PHACTR3: variants seen among roughly 807,000 people sequenced by gnomAD.
The protein encoded by PHACTR3 is protein phosphatase 1, regulatory subunit 123.
PHACTR3 carries 16 observed loss-of-function variants against 66.8 expected under a neutral mutation model. The observed-to-expected ratio is 0.24, with a 90% CI of 0.16 to 0.36. The LOEUF (loss-of-function observed/expected upper bound fraction) is 0.36. PHACTR3 is among the 10% of genes least tolerant of loss of function. The pLI, the probability that PHACTR3 is intolerant of heterozygous loss-of-function variation, is 1.00. For synonymous variants in PHACTR3, 323 were observed against 292.1 expected (o/e 1.11, Z -1.08); for missense variants, 647 against 719.9 (o/e 0.90, Z 1.16).
At chr20:59,731,333 T>C (rs1462048700) in intron 1 of PHACTR3, among the ~76,000 whole-genome samples, 1 of 152,236 alleles carries the variant, frequency 6.6e-6, no homozygotes, top group Non-Finnish European at 1.5e-5. Context: ...GGTGGGCCTC[T>C]TGTACAATAA....
chr20:59,732,418 G>A (rs894587576), intron 1 of PHACTR3, among the ~76,000 whole-genome samples: 2 of 152,314 alleles, frequency 1.3e-5, no homozygotes, highest in African/African-American at 4.8e-5. Context: ...GAAGGTTTTG[G>A]TGGCCTCCCT....
intron 7 of PHACTR3, among the ~76,000 whole-genome samples, chr20:59,783,471 C>G (rs762154158): frequency 8.2e-6 from 1 of 122,686 alleles, no homozygotes; most frequent in Non-Finnish European, 1.6e-5. Flanking sequence ...GCTATTATTT[C>G]CCATCAAGTA....
rs554018513 is a variant in PHACTR3, at chr20:59,609,171, T to A, written c.118+4039T>A. On this transcript the variant is annotated intron_variant, in intron 1 of 12. Transcript: ENST00000371015. ...AGGGCCGGGTCCAGGTCTGCTTTAC[T>A]GCCTGGAGAGGGAGACCCTCTCAGA... is the stretch of plus-strand genomic sequence containing the variant. Among the ~76,000 whole-genome samples, 14 of 152,338 alleles carry A rather than the reference T, an allele frequency of 9.2e-5. No individual in the cohort carries two copies. In the South Asian group the frequency reaches 2.7e-3, roughly 29 times the overall value.
chr20:59,845,057 A>C (rs8114638), intron 11 of PHACTR3, 132 bp from the exon 12 acceptor site: 141 of 570,808 alleles, frequency 2.5e-4, no homozygotes, highest in African/African-American at 2.4e-3. Flanking sequence ...TGAACCAAAA[A>C]ATTGTTTGTT....
chr20:59,798,213 G>T (rs1010490804), intron 7 of PHACTR3, among the ~76,000 whole-genome samples: 1 of 149,064 alleles, frequency 6.7e-6, no homozygotes, highest in African/African-American at 2.6e-5. Context: ...GTGAACTATT[G>T]TGAAGCCCTT....
At chr20:59,714,520 C>T (rs1394992595) in intron 1 of PHACTR3, among the ~76,000 whole-genome samples, 2 of 152,198 alleles carry the variant, frequency 1.3e-5, no homozygotes, top group African/African-American at 4.8e-5. Context: ...TTTCTGGGCT[C>T]CATGTTCTGT....
At chr20:59,600,154 C>T (rs1345558006), upstream of PHACTR3, among the ~76,000 whole-genome samples, 2 of 152,128 alleles carry the variant, frequency 1.3e-5, no homozygotes, top group East Asian at 3.9e-4. Flanking sequence ...GCCCGGGGCG[C>T]CCTTCCTCCC....
At chr20:59,828,667 A>G (rs58862987) in intron 8 of PHACTR3, among the ~76,000 whole-genome samples, 3,408 of 151,930 alleles carry the variant, frequency 0.022, 113 homozygotes, top group African/African-American at 0.07. Context: ...TTATTGGTAA[A>G]TGCAGCTCGA....
At chr20:59,709,000 C>T (rs898377573) in intron 1 of PHACTR3, among the ~76,000 whole-genome samples, 1 of 152,176 alleles carries the variant, frequency 6.6e-6, no homozygotes, top group Non-Finnish European at 1.5e-5. Context: ...GGCTTTAGCG[C>T]CACCTTTCTG....
chr20:59,744,394 G>T (rs934237111), intron 2 of PHACTR3, among the ~76,000 whole-genome samples: 2 of 152,242 alleles, frequency 1.3e-5, no homozygotes, highest in African/African-American at 4.8e-5. Context: ...CCACATGCCT[G>T]TGAGCCACAC....
intron 1 of PHACTR3, among the ~76,000 whole-genome samples, chr20:59,578,973 C>A (rs1425115186): frequency 6.6e-6 from 1 of 152,140 alleles, no homozygotes; most frequent in African/African-American, 2.4e-5. Flanking sequence ...AGATGAGGCC[C>A]CTCTAGGGTG....
intron 4 of PHACTR3, 57 bp from the exon 5 acceptor site, chr20:59,767,129 C>G: frequency 6.4e-7 from 1 of 1,566,112 alleles, no homozygotes; most frequent in Non-Finnish European, 8.8e-7. Flanking sequence ...TGCTCTCTTA[C>G]TTCCACTGCT....
chr20:59,639,794 A>G (rs2035035872), intron 1 of PHACTR3, among the ~76,000 whole-genome samples: 1 of 152,158 alleles, frequency 6.6e-6, no homozygotes, highest in African/African-American at 2.4e-5. Context: ...CTGACTTTCC[A>G]TTTTACTACC....
chr20:59,778,016 C>A (rs1188187152), intron 7 of PHACTR3, among the ~76,000 whole-genome samples: 1 of 152,184 alleles, frequency 6.6e-6, no homozygotes, highest in Non-Finnish European at 1.5e-5. Flanking sequence ...TACATCTAAG[C>A]CTCCTGTGAA....
rs546156071 is a variant in PHACTR3, at chr20:59,577,714, C to T, written c.109+97C>T. Reference sequence around the variant, plus strand: ...GGACGACTCCTCCTGAATCCCTTGCCCTTGGCCGTTGCGGGTGGCCGGGAG... The same window carrying T: ...GGACGACTCCTCCTGAATCCCTTGCTCTTGGCCGTTGCGGGTGGCCGGGAG... On this transcript the variant is annotated intron_variant, in intron 1 of 12. Coordinates refer to the PHACTR3 transcript ENST00000359926. 28 of 877,964 alleles carry T rather than the reference C, an allele frequency of 3.2e-5. 2 individuals carry two copies. The South Asian group carries it at 1.4e-3, about 44-fold the overall frequency. The allele number at this position is 877,964 out of a possible 1,614,324, so 54.4% of individuals were successfully genotyped here. A position where few individuals can be genotyped will look rare whatever the true frequency, so the allele number is the denominator to read the frequency against.
At chr20:59,658,340 T>G (rs1316751840) in intron 1 of PHACTR3, among the ~76,000 whole-genome samples, 1 of 151,936 alleles carries the variant, frequency 6.6e-6, no homozygotes, top group East Asian at 1.9e-4. Context: ...TTTTTTTAAA[T>G]GTATTTGTTG....
intron 7 of PHACTR3, among the ~76,000 whole-genome samples, chr20:59,783,767 C>T (rs2040810334): frequency 6.6e-6 from 1 of 152,230 alleles, no homozygotes; most frequent in South Asian, 2.1e-4. Context: ...CCGCAGGTGC[C>T]TGCAGCAAGG....
intron 7 of PHACTR3, among the ~76,000 whole-genome samples, chr20:59,793,097 C>G (rs540958898): frequency 6.6e-6 from 1 of 152,032 alleles, no homozygotes; most frequent in Admixed American, 6.6e-5. Context: ...CTATGTTTTC[C>G]AGGGTGCTCT....
At chr20:59,625,650 T>A (rs1442020257) in intron 1 of PHACTR3, among the ~76,000 whole-genome samples, 1 of 152,142 alleles carries the variant, frequency 6.6e-6, no homozygotes, top group Non-Finnish European at 1.5e-5. Flanking sequence ...GAGCCCAGCT[T>A]TCCCCCTCTG....
Sources: allele counts gnomAD v4.1 joint callset (sites outside exome capture counted in the v4.1 genomes callset), GRCh38; gene constraint gnomAD v4.1.1; transcripts MANE v1.5; gene names NCBI Gene and HGNC (gene_info 2026-07-23, HGNC 2026-07-21).